Variants in PRKCH observed in about 807,000 individuals in gnomAD.
PRKCH encodes protein kinase C eta.
A neutral mutation model predicts 82.5 loss-of-function variants in PRKCH; 28 were observed. That is an observed-to-expected ratio of 0.34 (90% CI 0.25 to 0.47). The LOEUF (loss-of-function observed/expected upper bound fraction) is 0.47. Ranked by LOEUF, PRKCH falls within the 20% of genes least tolerant of loss-of-function variation. The probability of loss-of-function intolerance (pLI) is 1.00; values close to 1 mark genes in which losing one functional copy is unlikely to be tolerated. For synonymous variants in PRKCH, 322 were observed against 327.4 expected (o/e 0.98, Z 0.18); for missense variants, 705 against 881.8 (o/e 0.80, Z 2.54).
intron 4 of PRKCH, among the ~76,000 whole-genome samples, chr14:61,446,190 A>G (rs1884215340): frequency 6.6e-6 from 1 of 151,798 alleles, no homozygotes; most frequent in Non-Finnish European, 1.5e-5. Flanking sequence ...AAAAAAAAAA[A>G]GTGAGAAATG....
rs1206630163 is a variant in PRKCH at position 61,547,808 on chromosome 14, G to A, written c.1827G>A (p.Leu609=). 1 of 1,614,104 alleles carries A rather than the reference G, an allele frequency of 6.2e-7. No homozygotes were observed. Among genetic ancestry groups the A allele is most frequent in the East Asian group, 2.2e-5 (1 of 44,900 alleles). The change falls in exon 13 of 14, where the codon TTG becomes TTA. Residue 609 remains leucine, a synonymous_variant. Coordinates refer to ENST00000332981, the MANE Select transcript of PRKCH (RefSeq NM_006255.5). ...SLTQGGEHAI[L]RHPFFKEIDW... ...CTCAGGGAGGCGAGCACGCCATCTTGAGACATCCTTTTTTTAAGGAAATCG... is the reference window on the plus strand; with the variant it reads ...CTCAGGGAGGCGAGCACGCCATCTTAAGACATCCTTTTTTTAAGGAAATCG...
At chr14:61,404,826 C>G (rs1289968223) in intron 2 of PRKCH, among the ~76,000 whole-genome samples, 2 of 152,108 alleles carry the variant, frequency 1.3e-5, no homozygotes, top group East Asian at 1.9e-4. Context: ...GGATGGGGAA[C>G]AGGAAGTGCA....
At chr14:61,408,098 T>C (rs1426127882) in intron 2 of PRKCH, among the ~76,000 whole-genome samples, 1 of 152,166 alleles carries the variant, frequency 6.6e-6, no homozygotes, top group Non-Finnish European at 1.5e-5. Context: ...TTGAAACATG[T>C]TTTAGTGAGA....
At chr14:61,431,413 G>T (rs1026085797) in intron 2 of PRKCH, among the ~76,000 whole-genome samples, 2 of 152,154 alleles carry the variant, frequency 1.3e-5, no homozygotes, top group Admixed American at 6.5e-5. Flanking sequence ...CGTGTACTTT[G>T]CTTCCTTTCA....
intron 12 of PRKCH, among the ~76,000 whole-genome samples, chr14:61,534,000 G>C (rs10136302): frequency 0.071 from 10,747 of 152,208 alleles, 1,176 homozygotes; most frequent in African/African-American, 0.24. Flanking sequence ...CTTAGAGATT[G>C]TCCCTTCCAA....
intron 1 of PRKCH, among the ~76,000 whole-genome samples, chr14:61,236,795 G>A (rs1467551138): frequency 1.3e-5 from 2 of 151,182 alleles, no homozygotes; most frequent in Non-Finnish European, 2.9e-5. Flanking sequence ...GACCTCTGGT[G>A]TCCTCGCTGC....
chr14:61,253,872 G>A (rs2044970597), intron 1 of PRKCH, among the ~76,000 whole-genome samples: 1 of 151,930 alleles, frequency 6.6e-6, no homozygotes, highest in Non-Finnish European at 1.5e-5. Context: ...AGTGGTGGCT[G>A]GCCTATAGTA....
chr14:61,527,115 C>T (rs2042976200), intron 10 of PRKCH, among the ~76,000 whole-genome samples: 1 of 152,174 alleles, frequency 6.6e-6, no homozygotes, highest in African/African-American at 2.4e-5. Flanking sequence ...GAGAGCACTG[C>T]CTTTTATTTA....
intron 1 of PRKCH, among the ~76,000 whole-genome samples, chr14:61,378,382 T>A (rs943226323): frequency 6.6e-6 from 1 of 152,078 alleles, no homozygotes; most frequent in Non-Finnish European, 1.5e-5. Context: ...CTGGCTAATT[T>A]TTTTTATAGA....
chr14:61,392,051 T>G (rs1356454744), intron 2 of PRKCH, among the ~76,000 whole-genome samples: 1 of 152,182 alleles, frequency 6.6e-6, no homozygotes, highest in Admixed American at 6.5e-5. Context: ...CTCAGCATAG[T>G]TTTTAGAAGA....
chr14:61,343,791 G>A (rs567215675), intron 1 of PRKCH, among the ~76,000 whole-genome samples: 1 of 152,180 alleles, frequency 6.6e-6, no homozygotes, highest in Non-Finnish European at 1.5e-5. Context: ...TTGGCACCAG[G>A]AAATGGATCT....
At chr14:61,244,714 A>T (rs1721029666) in intron 1 of PRKCH, among the ~76,000 whole-genome samples, 1 of 152,174 alleles carries the variant, frequency 6.6e-6, no homozygotes, top group Admixed American at 6.6e-5. Context: ...CTTTTCCTGT[A>T]ATGAGGAGTT....
chr14:61,355,135 C>G (rs538774782), intron 1 of PRKCH, among the ~76,000 whole-genome samples: 69 of 152,266 alleles, frequency 4.5e-4, no homozygotes, highest in Non-Finnish European at 8.4e-4. Context: ...CAGTGAATCC[C>G]TTGGAAGAGG....
In PRKCH at chr14:61,280,757, C is replaced by T. The variant is rs1392452305; in HGVS notation, c.-19+93089C>T. On this transcript the variant is annotated intron_variant, in intron 1 of 3. Transcript: ENST00000555185. This position sits in a 1 kb window ranked among gnomAD's most constrained non-coding sequence, Gnocchi z 5.0. ...GCGCTGGGGAGTCCGCTCAGCTGCG[C>T]GTCGTCGCGGGACACGCCGTAGCGC... is the stretch of plus-strand genomic sequence containing the variant. 4 of 1,560,826 alleles carry T rather than the reference C, an allele frequency of 2.6e-6. No homozygotes were observed. In the South Asian group the frequency reaches 3.6e-5, roughly 14 times the overall value.
intron 12 of PRKCH, among the ~76,000 whole-genome samples, chr14:61,530,917 C>T (rs1274461885): frequency 6.6e-6 from 1 of 152,176 alleles, no homozygotes; most frequent in Non-Finnish European, 1.5e-5. Flanking sequence ...ACAGTCAGGC[C>T]ACACCAGAGT....
intron 2 of PRKCH, among the ~76,000 whole-genome samples, chr14:61,416,615 C>A (rs1258645169): frequency 6.6e-6 from 1 of 152,120 alleles, no homozygotes; most frequent in Non-Finnish European, 1.5e-5. Flanking sequence ...TGAGATACAA[C>A]ACCCCCTAAC....
intron 1 of PRKCH, among the ~76,000 whole-genome samples, chr14:61,236,806 T>C (rs1241281522): frequency 6.6e-6 from 1 of 150,718 alleles, no homozygotes; most frequent in Non-Finnish European, 1.5e-5. Context: ...TCCTCGCTGC[T>C]ACACACCCAT....
chr14:61,260,791 A>G (rs2045038211), intron 1 of PRKCH, among the ~76,000 whole-genome samples: 1 of 152,252 alleles, frequency 6.6e-6, no homozygotes, highest in Non-Finnish European at 1.5e-5. Flanking sequence ...ATTTCCACAG[A>G]AATAATGCTA....
At chr14:61,327,046 G>GAA (rs1566821933) in intron 1 of PRKCH, 1 of 456,010 alleles carries the variant, frequency 2.2e-6, no homozygotes, top group Non-Finnish European at 4.4e-6. Flanking sequence ...CTGCGTCATG[G>GAA]AAAGACCTTG....
Sources: gnomAD v4.1 joint callset for allele counts (sites outside exome capture counted in the v4.1 genomes callset) on GRCh38, gnomAD v4.1.1 for gene constraint, Gnocchi (gnomAD v3.1) non-coding constraint, MANE v1.5 for transcripts, NCBI Gene and HGNC (gene_info 2026-07-23, HGNC 2026-07-21) for gene names.